The following BABAM1 variants were observed in gnomAD, a reference collection of about 807,000 sequenced individuals.
BABAM1 encodes BRISC and BRCA1 A complex member 1.
BABAM1 carries 14 observed loss-of-function variants against 34.4 expected under a neutral mutation model. The observed-to-expected ratio is 0.41, with a 90% confidence interval of 0.27 to 0.64. The LOEUF (loss-of-function observed/expected upper bound fraction) is 0.64. BABAM1 is among the 30% of genes least tolerant of loss of function. BABAM1 has a pLI of 0.34. For synonymous variants in BABAM1, 169 were observed against 165.8 expected (o/e 1.02, Z -0.15); for missense variants, 393 against 434.0 (o/e 0.91, Z 0.84).
rs775585840 is a variant in BABAM1, at chr19:17,275,762, C to T, written c.545-39C>T. The T allele has an allele frequency of 2.5e-5, 40 of 1,613,442 alleles. No homozygotes were observed. The South Asian group carries it at 4.2e-4, about 17-fold the overall frequency. On this transcript the variant is annotated intron_variant, in intron 5 of 8. Transcript: ENST00000598188. ...GGGGAAGCCACCTGTTTCCCGCTCACTCGTGCTCTACTAGCCTTCTCCTTA... is the reference window on the plus strand; with the variant it reads ...GGGGAAGCCACCTGTTTCCCGCTCATTCGTGCTCTACTAGCCTTCTCCTTA...
chr19:17,268,228 A>G (rs1054028334), intron 1 of BABAM1, among the ~76,000 whole-genome samples: 21 of 150,810 alleles, frequency 1.4e-4, no homozygotes, highest in Non-Finnish European at 1.8e-4. Flanking sequence ...TCACTGGCCG[A>G]GTAGGGGCAT....
rs2145608574 is a variant in BABAM1, at chr19:17,268,851, G to A, written c.45G>A (p.Glu15=). ...GCAGCCCCACTGAAGAGGAGGAGGA[G>A]GAAGAGGAGCACTCGGCAGAGCCTC... ...EPSSPTEEEE[E]EEEHSAEPRP... Residue 15 remains glutamate, a synonymous_variant, in exon 2 of 9, where the codon GAG becomes GAA. Coordinates refer to ENST00000598188, the MANE Select transcript of BABAM1 (RefSeq NM_014173.4). 6.2e-7 allele frequency: 1 copy of A among 1,610,120 alleles called. No homozygotes were observed. Among genetic ancestry groups the A allele is most frequent in the Non-Finnish European group, 8.5e-7 (1 of 1,178,440 alleles).
At chr19:17,277,742 G>A (rs2073927254) in intron 8 of BABAM1, among the ~76,000 whole-genome samples, 1 of 152,176 alleles carries the variant, frequency 6.6e-6, no homozygotes, top group African/African-American at 2.4e-5. Flanking sequence ...AGCCAGGCGT[G>A]GTGGTGTACG....
At chr19:17,269,294 C>T (rs571305987) in intron 2 of BABAM1, among the ~76,000 whole-genome samples, 41 of 152,084 alleles carry the variant, frequency 2.7e-4, no homozygotes, top group African/African-American at 9.9e-4. Flanking sequence ...GGGCCATGGC[C>T]CCTCAGGAGG....
chr19:17,267,758 A>G (rs2073785425), intron 1 of BABAM1, among the ~76,000 whole-genome samples: 1 of 152,194 alleles, frequency 6.6e-6, no homozygotes, highest in Admixed American at 6.5e-5. Context: ...CAGATAGACA[A>G]ACTGCTCCAT....
intron 8 of BABAM1, among the ~76,000 whole-genome samples, chr19:17,278,061 C>T (rs1384611096): frequency 6.6e-6 from 1 of 151,736 alleles, no homozygotes; most frequent in Non-Finnish European, 1.5e-5. Flanking sequence ...ATAATCCCAT[C>T]TACTCAGGAG....
At chr19:17,271,806 C>A in intron 3 of BABAM1, 151 bp downstream of exon 3, 1 of 370,300 alleles carries the variant, frequency 2.7e-6, no homozygotes, top group Non-Finnish European at 3.7e-6. Flanking sequence ...GGTGCAGTGG[C>A]TCATGCCTGT....
intron 3 of BABAM1, among the ~76,000 whole-genome samples, chr19:17,272,959 G>T (rs566679038): frequency 2.0e-5 from 3 of 151,916 alleles, no homozygotes; most frequent in Non-Finnish European, 4.4e-5. Flanking sequence ...TGGAGGTTGC[G>T]GTGAGCCAAG....
At chr19:17,275,296 A>G (rs1003642219) in intron 5 of BABAM1, among the ~76,000 whole-genome samples, 1 of 129,866 alleles carries the variant, frequency 7.7e-6, no homozygotes, top group African/African-American at 2.5e-5. Context: ...ATTTATTATT[A>G]TATTTTTTTT....
rs547204166 is a variant in BABAM1 at position 17,270,433 on chromosome 19, T to C, written c.286-1164T>C. ...GTGTCTTCTCCGCTTCTGTCTCCTA[T>C]AAGGACACTTGTCATCAAAACAGGA... On this transcript the variant is annotated intron_variant, in intron 2 of 8. Transcript: ENST00000598188. Among the ~76,000 whole-genome samples, 3 of 152,178 alleles carry C rather than the reference T, an allele frequency of 2.0e-5. No homozygotes were observed. The South Asian group carries it at 6.2e-4, about 32-fold the overall frequency.
At chr19:17,275,777 CCTT>C (rs767296492) in intron 5 of BABAM1, 21 bp from the exon 6 acceptor site, 2 of 1,613,680 alleles carry the variant, frequency 1.2e-6, no homozygotes, top group South Asian at 1.1e-5. Flanking sequence ...GCTCTACTAG[CCTT>C]CTCCTTAGCA....
intron 8 of BABAM1, 29 bp from the exon 9 acceptor site, chr19:17,278,816 C>G: frequency 6.3e-7 from 1 of 1,591,426 alleles, no homozygotes; most frequent in South Asian, 1.1e-5. Context: ...GCCTGAACAG[C>G]CCTTCACTGA....
At chr19:17,270,000 G>T (rs1337423694) in intron 2 of BABAM1, among the ~76,000 whole-genome samples, 2 of 148,934 alleles carry the variant, frequency 1.3e-5, no homozygotes, top group African/African-American at 5.0e-5. Flanking sequence ...GCGCTATCTC[G>T]GCTCACTGCA....
At position 17,268,832 on chromosome 19, in the gene BABAM1, C is replaced by A; in HGVS notation, c.26C>A (p.Pro9His). The A allele has an allele frequency of 6.2e-7, 1 of 1,609,912 alleles. No individual in the cohort carries two copies. The highest frequency in any genetic ancestry group is 2.2e-5 in the East Asian group (1 of 44,774). Reference protein sequence around the residue: MEVAEPSSPTEEEEEEEEH... With the variant: MEVAEPSSHTEEEEEEEEH... Reference sequence around the variant, plus strand: ...ATGGAAGTGGCAGAGCCCAGCAGCCCCACTGAAGAGGAGGAGGAGGAAGAG... The same window carrying A: ...ATGGAAGTGGCAGAGCCCAGCAGCCACACTGAAGAGGAGGAGGAGGAAGAG... The change falls in exon 2 of 9, where the codon CCC becomes CAC. Residue 9 changes from proline to histidine, a missense_variant. Physicochemically the swap from Pro to His is moderately conservative, Grantham distance 77. Coordinates refer to ENST00000598188, the MANE Select transcript of BABAM1 (RefSeq NM_014173.4).
intron 2 of BABAM1, among the ~76,000 whole-genome samples, chr19:17,270,616 C>G (rs930304120): frequency 8.6e-5 from 13 of 150,608 alleles, no homozygotes; most frequent in African/African-American, 3.2e-4. Context: ...ACCTCCGGCT[C>G]CCTGGTTCAA....
At position 17,278,987 on chromosome 19, in the gene BABAM1, A is replaced by T; in HGVS notation, c.929A>T (p.His310Leu). The T allele has an allele frequency of 6.2e-7, 1 of 1,612,770 alleles. No homozygotes were observed. Among genetic ancestry groups the T allele is most frequent in the Non-Finnish European group, 8.5e-7 (1 of 1,179,530 alleles). The change falls in exon 9 of 9, where the codon CAT (histidine) becomes CTT (leucine). Residue 310 changes from histidine (H) to leucine (L), a missense_variant. By Grantham distance (99) the His-to-Leu change is moderately conservative (BLOSUM62 -3). Coordinates refer to ENST00000598188, the MANE Select transcript of BABAM1 (RefSeq NM_014173.4). ...AHPLQRPCQS[H>L]ASYSLLEEED... The stretch of plus-strand genomic sequence containing the variant: ...CCCCTGCAGCGGCCTTGCCAGAGCC[A>T]TGCTTCCTACAGCCTGCTGGAGGAG...
Position 17,279,132 on chromosome 19 carries a change from T to C in BABAM1, c.*84T>C. 1 of 1,432,114 alleles carries C rather than the reference T, an allele frequency of 7.0e-7. No homozygotes were observed. The allele number at this position is 1,432,114 out of a possible 1,614,324, so 88.7% of individuals were successfully genotyped here. A position where few individuals can be genotyped will look rare whatever the true frequency, so the allele number is the denominator to read the frequency against. ...TTCTCAAACTGGGTTCCTTGGGACCTCCGGGGTGGGGGGGTTCCAGGAGGC... is the reference window on the plus strand; with the variant it reads ...TTCTCAAACTGGGTTCCTTGGGACCCCCGGGGTGGGGGGGTTCCAGGAGGC... On this transcript the variant is annotated 3_prime_UTR_variant, in exon 9 of 9. Transcript: ENST00000598188.
intron 6 of BABAM1, 126 bp downstream of exon 6, chr19:17,275,951 G>T: frequency 1.9e-6 from 2 of 1,058,982 alleles, no homozygotes; most frequent in East Asian, 4.8e-5. Flanking sequence ...ACCTCGCCCC[G>T]AGCAATTCCT....
chr19:17,276,541 C>T lies in BABAM1; in HGVS notation c.616C>T (p.Pro206Ser), dbSNP rs757494361. 3 of 1,603,398 alleles carry T rather than the reference C, an allele frequency of 1.9e-6. No individual in the cohort carries two copies. In the Admixed American group the frequency reaches 5.1e-5, roughly 27 times the overall value. The stretch of plus-strand genomic sequence containing the variant: ...GGTCACAGAGAACGTGCAGACGATT[C>T]CCCCGCCATATGTGGTCCGCACCAT... Reference protein sequence around the residue: ...LPVTENVQTIPPPYVVRTILV... With the variant: ...LPVTENVQTISPPYVVRTILV... The change falls in exon 7 of 9, where the codon CCC (proline) becomes TCC (serine). Residue 206 changes from proline (P) to serine (S), a missense_variant. Pro to Ser is a moderately conservative substitution (Grantham distance 74). Transcript: ENST00000598188.
Sources: allele counts gnomAD v4.1 joint callset (sites outside exome capture counted in the v4.1 genomes callset), GRCh38; gene constraint gnomAD v4.1.1; transcripts MANE v1.5; gene names NCBI Gene and HGNC (gene_info 2026-07-23, HGNC 2026-07-21).